PTPRN2: variants seen among roughly 807,000 people sequenced by gnomAD.
The protein encoded by PTPRN2 is protein tyrosine phosphatase receptor type N2.
In PTPRN2, 74 loss-of-function variants were observed where a neutral mutation model predicts 118.8. The ratio of observed to expected loss-of-function variants is 0.62; its 90% CI spans 0.52 to 0.76. The LOEUF (loss-of-function observed/expected upper bound fraction) is 0.76, where lower values mean the gene tolerates loss of function less well. Ranked by LOEUF, PTPRN2 falls within the 30% of genes least tolerant of loss-of-function variation. The probability of loss-of-function intolerance (pLI) is 0.00; values close to 1 mark genes in which losing one functional copy is unlikely to be tolerated. For synonymous variants in PTPRN2, 641 were observed against 608.0 expected (o/e 1.05, Z -0.80); for missense variants, 1,481 against 1,394.4 (o/e 1.06, Z -0.99).
chr7:157,673,148 C>G (rs1024490179), intron 13 of PTPRN2, among the ~76,000 whole-genome samples: 1 of 152,122 alleles, frequency 6.6e-6, no homozygotes, highest in Non-Finnish European at 1.5e-5. Flanking sequence ...CTCAGCCTCC[C>G]GAGTAGCTGG....
At chr7:158,124,953 G>T (rs753960299) in intron 9 of PTPRN2, among the ~76,000 whole-genome samples, 1 of 152,234 alleles carries the variant, frequency 6.6e-6, no homozygotes, top group Non-Finnish European at 1.5e-5. Context: ...AGAAGGCCCC[G>T]CAGTGCGGAG....
intron 2 of PTPRN2, among the ~76,000 whole-genome samples, chr7:158,416,347 C>A (rs1163458325): frequency 2.0e-5 from 3 of 152,228 alleles, no homozygotes; most frequent in Non-Finnish European, 4.4e-5. Flanking sequence ...ACCCCCAGCC[C>A]CCAACCACAC....
chr7:157,539,629 G>A lies in PTPRN2; in HGVS notation c.*1085C>T, dbSNP rs542857839. On this transcript the variant is annotated 3_prime_UTR_variant, in exon 23 of 23. Coordinates refer to ENST00000389418, the MANE Select transcript of PTPRN2 (RefSeq NM_002847.5). ...GGTTCATTAAGTGATCCCGGGAAGAGGGGCAGGGCCGGTCGGCTGGTTTCT... is the reference window on the plus strand; with the variant it reads ...GGTTCATTAAGTGATCCCGGGAAGAAGGGCAGGGCCGGTCGGCTGGTTTCT... 3 of 152,394 alleles carry A rather than the reference G, an allele frequency of 2.0e-5. No homozygotes were observed. In the East Asian group the frequency reaches 5.8e-4, roughly 29 times the overall value. The allele number at this position is 152,394 out of a possible 1,614,324, so 9.4% of individuals were successfully genotyped here.
rs373914513 is a variant in PTPRN2, at chr7:158,304,390, C to T, written c.277+12429G>A. ...ACATTCTAGGGAGGCATAAGACATCCGTCAATATGCTAAGACGTACACAGG... is the reference window on the plus strand; with the variant it reads ...ACATTCTAGGGAGGCATAAGACATCTGTCAATATGCTAAGACGTACACAGG... On this transcript the variant is annotated intron_variant, in intron 3 of 22. Transcript: ENST00000389418. Among the ~76,000 whole-genome samples, 53 of 143,790 alleles carry T rather than the reference C, an allele frequency of 3.7e-4. 1 individual carries two copies. The highest frequency in any genetic ancestry group is 1.2e-3 in the African/African-American group (46 of 38,468). 94.3% of individuals were successfully genotyped at this position (143,790 alleles called of 152,430 possible).
chr7:158,100,418 C>T lies in PTPRN2; in HGVS notation c.1643+10411G>A, dbSNP rs570072111. ...GACTTCTTGTCCTCCAGGTAGATAC[C>T]CAGCAGTGGGATTGCTGAATCAAAT... On this transcript the variant is annotated intron_variant, in intron 10 of 22. Coordinates refer to ENST00000389418, the MANE Select transcript of PTPRN2 (RefSeq NM_002847.5). Among the ~76,000 whole-genome samples the T allele has an allele frequency of 1.1e-4, 17 of 152,236 alleles. No homozygotes were observed. In the South Asian group the frequency reaches 2.9e-3, roughly 26 times the overall value.
chr7:158,171,312 T>TATATATACATACATAC (rs1823654810), intron 5 of PTPRN2, among the ~76,000 whole-genome samples: 2 of 31,880 alleles, frequency 6.3e-5, no homozygotes, highest in African/African-American at 2.1e-4. Context: ...TACACACATA[T>TATATATACATACATAC]ATATATATAT....
intron 12 of PTPRN2, among the ~76,000 whole-genome samples, chr7:157,757,931 C>G (rs1028907005): frequency 2.8e-4 from 42 of 152,314 alleles, no homozygotes; most frequent in Non-Finnish European, 5.3e-4. Context: ...TCCCGCAGGG[C>G]CCTGAAGCAG....
At chr7:157,904,229 C>T (rs1797629801) in intron 11 of PTPRN2, among the ~76,000 whole-genome samples, 2 of 152,224 alleles carry the variant, frequency 1.3e-5, no homozygotes, top group African/African-American at 4.8e-5. Flanking sequence ...GCACCCACAG[C>T]AATAGGATAA....
intron 10 of PTPRN2, among the ~76,000 whole-genome samples, chr7:158,106,489 C>T (rs1314726770): frequency 1.3e-5 from 2 of 152,228 alleles, no homozygotes; most frequent in African/African-American, 2.4e-5. Flanking sequence ...CACACACCTC[C>T]GTGTATCATC....
At chr7:158,559,605 A>AC (rs1164855903) in intron 1 of PTPRN2, among the ~76,000 whole-genome samples, 3 of 152,134 alleles carry the variant, frequency 2.0e-5, no homozygotes, top group Non-Finnish European at 4.4e-5. Flanking sequence ...CCGCGGGGAT[A>AC]CCTCACCCAG....
intron 11 of PTPRN2, among the ~76,000 whole-genome samples, chr7:157,909,577 C>T (rs1185107259): frequency 2.0e-5 from 3 of 152,246 alleles, no homozygotes; most frequent in Admixed American, 6.5e-5. Context: ...CCCTTCAGCG[C>T]GGGACGCCCC....
In PTPRN2 at chr7:158,403,374, G is replaced by A. The variant is rs776455151; in HGVS notation, c.163+86361C>T. ...CATGTCTCCACCAGGCTGCAGGCAG[G>A]AGTGGCAAGGATTCCACCCTGACAT... On this transcript the variant is annotated intron_variant, in intron 2 of 22. Coordinates refer to ENST00000389418, the MANE Select transcript of PTPRN2 (RefSeq NM_002847.5). 7.8e-4 allele frequency among the ~76,000 whole-genome samples: 119 copies of A among 152,354 alleles called. 1 individual carries two copies. Among genetic ancestry groups the A allele is most frequent in the South Asian group, 1.0e-3 (5 of 4,824 alleles).
At chr7:158,083,666 C>T (rs1813018385) in intron 10 of PTPRN2, among the ~76,000 whole-genome samples, 1 of 152,196 alleles carries the variant, frequency 6.6e-6, no homozygotes, top group Admixed American at 6.5e-5. Flanking sequence ...GCATGCCGAG[C>T]GTCACCATTG....
chr7:158,098,722 G>T (rs572872184), intron 10 of PTPRN2, among the ~76,000 whole-genome samples: 1 of 152,196 alleles, frequency 6.6e-6, no homozygotes, highest in Non-Finnish European at 1.5e-5. Flanking sequence ...GAAGAAGAAG[G>T]ACGTTTATCT....
intron 14 of PTPRN2, among the ~76,000 whole-genome samples, chr7:157,653,253 G>C (rs778035351): frequency 2.0e-5 from 3 of 152,208 alleles, no homozygotes; most frequent in Non-Finnish European, 2.9e-5. Context: ...CCCCAGGAGT[G>C]GCTGCATGTC....
intron 10 of PTPRN2, among the ~76,000 whole-genome samples, chr7:158,085,451 G>A (rs1183631901): frequency 2.1e-4 from 5 of 23,766 alleles, no homozygotes; most frequent in Non-Finnish European, 2.7e-4. Flanking sequence ...CCATCCACAC[G>A]GATGCCCATA....
rs556467011 is a variant in PTPRN2, at chr7:158,141,477, C to T, written c.911-2962G>A. 1.1e-4 allele frequency among the ~76,000 whole-genome samples: 17 copies of T among 152,324 alleles called. 1 individual carries two copies. The South Asian group carries it at 3.5e-3, about 32-fold the overall frequency. ...CAGGACAGGAGTCAGTGTCTGGGGC[C>T]GCCTAGACTCGCATGACTTTCCAAA... On this transcript the variant is annotated intron_variant, in intron 6 of 22. Transcript: ENST00000389418.
At chr7:158,223,420 T>C (rs909190085) in intron 3 of PTPRN2, among the ~76,000 whole-genome samples, 5 of 152,154 alleles carry the variant, frequency 3.3e-5, no homozygotes, top group African/African-American at 1.2e-4. Context: ...AAAAATCCTT[T>C]ACAAAATATT....
intron 22 of PTPRN2, among the ~76,000 whole-genome samples, chr7:157,544,646 G>A (rs1181165046): frequency 6.6e-6 from 1 of 152,248 alleles, no homozygotes; most frequent in African/African-American, 2.4e-5. Flanking sequence ...AGATGTAAAA[G>A]AGGAAACACC....
Sources: gnomAD v4.1 joint callset for allele counts (sites outside exome capture counted in the v4.1 genomes callset) on GRCh38, gnomAD v4.1.1 for gene constraint, MANE v1.5 for transcripts, NCBI Gene and HGNC (gene_info 2026-07-23, HGNC 2026-07-21) for gene names.